UNC13C: variants seen among roughly 807,000 people sequenced by gnomAD.
The protein encoded by UNC13C is protein unc-13 homolog C.
A neutral mutation model predicts 245.4 loss-of-function variants in UNC13C; 174 were observed. That is an observed-to-expected ratio of 0.71 (90% confidence interval 0.63 to 0.80). The LOEUF (loss-of-function observed/expected upper bound fraction) is 0.80. Ranked by LOEUF, UNC13C falls within the 30% of genes least tolerant of loss-of-function variation. UNC13C has a pLI of 0.00. For synonymous variants in UNC13C, 992 were observed against 895.1 expected, an observed-to-expected ratio of 1.11 and a Z score of -1.93; for missense variants, 2,829 against 2,602.9, an observed-to-expected ratio of 1.09 and a Z score of -1.89.
chr15:54,456,851 T>C (rs1408076879), intron 19 of UNC13C, among the ~76,000 whole-genome samples: 2 of 152,054 alleles, frequency 1.3e-5, no homozygotes, highest in Non-Finnish European at 2.9e-5. Context: ...TCCTCTTTAC[T>C]GATTCGGATG....
At chr15:54,144,372 G>GTAAA (rs2032164362) in intron 4 of UNC13C, among the ~76,000 whole-genome samples, 2 of 151,586 alleles carry the variant, frequency 1.3e-5, no homozygotes, top group Non-Finnish European at 2.9e-5. Flanking sequence ...TCCACTCTGT[G>GTAAA]TAAATAAATA....
chr15:54,508,167 A>C (rs1456993375), intron 23 of UNC13C, among the ~76,000 whole-genome samples: 1 of 152,052 alleles, frequency 6.6e-6, no homozygotes, highest in Non-Finnish European at 1.5e-5. Context: ...CTCAAAAAGC[A>C]AGATATTTAT....
chr15:54,488,588 C>T (rs981320499), intron 19 of UNC13C, among the ~76,000 whole-genome samples: 2 of 152,000 alleles, frequency 1.3e-5, no homozygotes, highest in African/African-American at 2.4e-5. Flanking sequence ...CATAATTGTA[C>T]ACTATACAGA....
intron 2 of UNC13C, among the ~76,000 whole-genome samples, chr15:54,085,636 T>G (rs1899196523): frequency 6.6e-6 from 1 of 152,060 alleles, no homozygotes; most frequent in Non-Finnish European, 1.5e-5. Flanking sequence ...TTTATAGAGA[T>G]AGGGTCTCCT....
At chr15:54,239,814 C>A (rs1403518066) in intron 7 of UNC13C, among the ~76,000 whole-genome samples, 5 of 152,140 alleles carry the variant, frequency 3.3e-5, no homozygotes, top group Non-Finnish European at 5.9e-5. Context: ...AGTTTGGGCA[C>A]AAGACAAAGC....
intron 29 of UNC13C, among the ~76,000 whole-genome samples, chr15:54,562,612 A>G (rs1897340192): frequency 6.6e-6 from 1 of 152,038 alleles, no homozygotes; most frequent in Non-Finnish European, 1.5e-5. Context: ...AATGTGTCAA[A>G]GAAAAATCTG....
intron 19 of UNC13C, among the ~76,000 whole-genome samples, chr15:54,443,548 A>C (rs1596382919): frequency 6.6e-6 from 1 of 152,156 alleles, no homozygotes; most frequent in East Asian, 1.9e-4. Flanking sequence ...TATTGCTAAA[A>C]ATTTCCCTCT....
At chr15:54,408,228 A>C (rs868013625) in intron 18 of UNC13C, among the ~76,000 whole-genome samples, 3 of 146,164 alleles carry the variant, frequency 2.1e-5, no homozygotes, top group African/African-American at 7.8e-5. Flanking sequence ...AAAAAAAAAA[A>C]ACATGGGCAA....
intron 2 of UNC13C, among the ~76,000 whole-genome samples, chr15:54,030,185 C>A (rs769251283): frequency 2.0e-5 from 3 of 152,136 alleles, no homozygotes; most frequent in African/African-American, 2.4e-5. Context: ...AAACTACCCA[C>A]CCCCATGTCC....
chr15:54,530,251 A>G (rs1273076550), intron 25 of UNC13C, among the ~76,000 whole-genome samples: 1 of 152,186 alleles, frequency 6.6e-6, no homozygotes, highest in Non-Finnish European at 1.5e-5. Context: ...CACATTCCAG[A>G]TAATTGACGT....
chr15:54,201,762 A>G (rs998078767), intron 4 of UNC13C, among the ~76,000 whole-genome samples: 3 of 151,922 alleles, frequency 2.0e-5, no homozygotes, highest in Admixed American at 1.3e-4. Context: ...ACAAGTCAAG[A>G]ATGCTCACCC....
rs1567289113 is a variant in UNC13C, at chr15:54,455,208, T to TCTCC, written c.4934-39400_4934-39399insCTCC. ...CTCTCTCTCTCTCTCTCTCTCTCTA[T>TCTCC]ATATATATATATATATATATATATA... On this transcript the variant is annotated intron_variant, in intron 19 of 32. Transcript: ENST00000260323. Among the ~76,000 whole-genome samples the TCTCC allele has an allele frequency of 5.9e-3, 335 of 56,650 alleles. 35 individuals carry two copies. The highest frequency in any genetic ancestry group is 0.014 in the African/African-American group (194 of 13,412). 37.2% of individuals were successfully genotyped at this position (56,650 alleles called of 152,430 possible).
intron 19 of UNC13C, among the ~76,000 whole-genome samples, chr15:54,461,480 T>C (rs1195562367): frequency 2.0e-5 from 3 of 152,224 alleles, no homozygotes; most frequent in Non-Finnish European, 4.4e-5. Flanking sequence ...TAGCAAAATA[T>C]TTTGTTAGTC....
chr15:54,444,095 T>A (rs1267311420), intron 19 of UNC13C, among the ~76,000 whole-genome samples: 1 of 151,940 alleles, frequency 6.6e-6, no homozygotes, highest in Non-Finnish European at 1.5e-5. Flanking sequence ...TACATATATA[T>A]TTAGAACTGT....
downstream of UNC13C, chr15:54,632,107 G>C (rs751382135): frequency 2.0e-5 from 3 of 152,104 alleles, no homozygotes; most frequent in Non-Finnish European, 2.9e-5. Flanking sequence ...GAGTATCTCT[G>C]TGTGTGCTTA....
chr15:54,064,026 T>G (rs553686618), intron 2 of UNC13C, among the ~76,000 whole-genome samples: 2 of 152,294 alleles, frequency 1.3e-5, no homozygotes, highest in East Asian at 1.9e-4. Flanking sequence ...TAGAGCTTTC[T>G]TATCCCTCTT....
intron 14 of UNC13C, among the ~76,000 whole-genome samples, chr15:54,326,668 G>GTGGA (rs2038304631): frequency 1.3e-5 from 2 of 152,018 alleles, no homozygotes; most frequent in Admixed American, 6.6e-5. Context: ...GACAGAGAGA[G>GTGGA]TGGAAGAGAG....
chr15:54,335,892 G>A (rs1038963904), intron 16 of UNC13C, among the ~76,000 whole-genome samples: 11 of 152,162 alleles, frequency 7.2e-5, no homozygotes, highest in African/African-American at 2.4e-4. Context: ...AGCAGTGTGT[G>A]AGAGTCCCAA....
chr15:53,985,792 G>A (rs1894114151), intron 1 of UNC13C, among the ~76,000 whole-genome samples: 1 of 151,970 alleles, frequency 6.6e-6, no homozygotes, highest in Admixed American at 6.6e-5. Flanking sequence ...TGTTGATCAG[G>A]GGGTTCTGAG....
Sources: gnomAD v4.1 joint callset for allele counts (sites outside exome capture counted in the v4.1 genomes callset) on GRCh38, gnomAD v4.1.1 for gene constraint, MANE v1.5 for transcripts, NCBI Gene and HGNC (gene_info 2026-07-23, HGNC 2026-07-21) for gene names.